The following CD99L2 variants were observed in gnomAD, a reference collection of about 807,000 sequenced individuals.
CD99L2 encodes the protein CD99 molecule like 2.
Under a neutral mutation model 27.3 loss-of-function variants are expected in CD99L2, and 24 were observed. That is an observed-to-expected ratio of 0.88 (90% CI 0.64 to 1.24). CD99L2 has a LOEUF of 1.24. Among genes scored for constraint, CD99L2 ranks in the 50% most tolerant of loss-of-function variants. The pLI is 0.00. For missense variants in CD99L2, 255 were observed against 221.6 expected (o/e 1.15, Z -0.96); for synonymous variants, 97 against 87.9 (o/e 1.10, Z -0.58).
intron 7 of CD99L2, among the ~76,000 whole-genome samples, chrX:150,784,102 ACT>A (rs2045558122): frequency 9.1e-6 from 1 of 109,627 alleles, no homozygotes; most frequent in African/African-American, 3.3e-5. Context: ...CAGAAGGAAG[ACT>A]CTCCTTCTGG....
At chrX:150,824,464 AAAGAAGAAGAAGAAAGAAGAAAG>A (rs1254459705) in intron 2 of CD99L2, among the ~76,000 whole-genome samples, 15 of 97,384 alleles carry the variant, frequency 1.5e-4, no homozygotes, top group Admixed American at 8.9e-4. Context: ...AAGAAAGAAG[AAAGAAGAAGAAGAAAGAAGAAAG>A]AAGAAGAAGA....
rs147740293 is a variant in CD99L2, at chrX:150,887,749, G to A, written c.67+10773C>T. 2.4e-3 allele frequency among the ~76,000 whole-genome samples: 265 copies of A among 111,916 alleles called. 3 individuals are homozygous for A. The highest frequency in any genetic ancestry group is 7.7e-3 in the African/African-American group (237 of 30,844). On this transcript the variant is annotated intron_variant, in intron 1 of 10. Coordinates refer to ENST00000370377, the MANE Select transcript of CD99L2 (RefSeq NM_031462.4). Reference sequence around the variant, plus strand: ...AATCAGCTGATCCATCCCCCGCTCAGAGAGAGAGAACCCGACCGCTGAGGA... The same window carrying A: ...AATCAGCTGATCCATCCCCCGCTCAAAGAGAGAGAACCCGACCGCTGAGGA...
chrX:150,843,404 C>T (rs1025183868), intron 1 of CD99L2, among the ~76,000 whole-genome samples: 2 of 111,286 alleles, frequency 1.8e-5, no homozygotes, highest in African/African-American at 6.5e-5. Flanking sequence ...AATCCCAGCA[C>T]TTTGGGAGGC....
At chrX:150,826,462 A>G (rs1014647118) in intron 2 of CD99L2, among the ~76,000 whole-genome samples, 10 of 111,464 alleles carry the variant, frequency 9.0e-5, no homozygotes, top group African/African-American at 3.3e-4. Flanking sequence ...CCTTGAAAAC[A>G]TTACACTAAG....
chrX:150,864,237 G>C (rs1569566110), intron 1 of CD99L2, among the ~76,000 whole-genome samples: 2 of 111,942 alleles, frequency 1.8e-5, no homozygotes, highest in Non-Finnish European at 3.8e-5. Context: ...AAGGAGGATG[G>C]CAGGTAACAA....
intron 1 of CD99L2, among the ~76,000 whole-genome samples, chrX:150,882,106 G>A (rs963258248): frequency 1.8e-4 from 20 of 111,009 alleles, no homozygotes; most frequent in African/African-American, 6.2e-4. Flanking sequence ...GTGAGCCACC[G>A]CGCCCGGACT....
At chrX:150,851,430 G>A (rs2124294838) in intron 1 of CD99L2, among the ~76,000 whole-genome samples, 1 of 111,781 alleles carries the variant, frequency 8.9e-6, no homozygotes, top group African/African-American at 3.3e-5. Context: ...GAGGAGCTGA[G>A]GCTCAGATAG....
intron 4 of CD99L2, among the ~76,000 whole-genome samples, chrX:150,809,415 A>G (rs2046042034): frequency 8.9e-6 from 1 of 112,525 alleles, no homozygotes; most frequent in African/African-American, 3.2e-5. Context: ...AGAGTGAATG[A>G]ATACTACTTT....
chrX:150,879,925 CAAAA>C (rs782555339), intron 1 of CD99L2, among the ~76,000 whole-genome samples: 45 of 27,316 alleles, frequency 1.6e-3, no homozygotes, highest in Middle Eastern at 0.017. Flanking sequence ...ACCCTGTCTC[CAAAA>C]AAAAAAAAAA....
intron 1 of CD99L2, among the ~76,000 whole-genome samples, chrX:150,841,439 C>T (rs1188699811): frequency 4.5e-5 from 5 of 111,764 alleles, no homozygotes; most frequent in Non-Finnish European, 9.4e-5. Context: ...TTAATTTAAA[C>T]TCTTTTCTGC....
chrX:150,787,367 T>C (rs1229213448), intron 7 of CD99L2, among the ~76,000 whole-genome samples: 1 of 111,776 alleles, frequency 8.9e-6, no homozygotes, highest in Non-Finnish European at 1.9e-5. Flanking sequence ...GTTTTACATT[T>C]AAGTCTTTAA....
intron 1 of CD99L2, among the ~76,000 whole-genome samples, chrX:150,890,472 T>A (rs1481739807): frequency 9.0e-6 from 1 of 111,352 alleles, no homozygotes; most frequent in Non-Finnish European, 1.9e-5. Context: ...AGAGCAAAAC[T>A]CTGTCTCAAA....
At chrX:150,778,683 A>ATATATATAT (rs1557419363) in intron 7 of CD99L2, among the ~76,000 whole-genome samples, 120 of 27,166 alleles carry the variant, frequency 4.4e-3, no homozygotes, top group African/African-American at 9.1e-3. Flanking sequence ...TAAAAAAAAA[A>ATATATATAT]AAATATATAT....
chrX:150,893,448 G>C (rs1458240655), intron 1 of CD99L2, among the ~76,000 whole-genome samples: 1 of 108,893 alleles, frequency 9.2e-6, no homozygotes, highest in African/African-American at 3.3e-5. Context: ...CAGCCCATGA[G>C]GCTTCTGCTT....
intron 1 of CD99L2, among the ~76,000 whole-genome samples, chrX:150,889,695 A>G (rs2047471267): frequency 8.9e-6 from 1 of 112,403 alleles, no homozygotes; most frequent in Non-Finnish European, 1.9e-5. Flanking sequence ...TATAGGATTC[A>G]ACTACAGCAG....
chrX:150,869,599 C>T (rs2047122622), intron 1 of CD99L2, among the ~76,000 whole-genome samples: 2 of 112,265 alleles, frequency 1.8e-5, no homozygotes, highest in Admixed American at 9.5e-5. Context: ...AAACACCCTT[C>T]AGAGTGCCCT....
intron 9 of CD99L2, among the ~76,000 whole-genome samples, chrX:150,774,710 TC>T (rs1362156278): frequency 9.0e-6 from 1 of 111,701 alleles, no homozygotes; most frequent in Non-Finnish European, 1.9e-5. Context: ...ATGCAAAACT[TC>T]CCCCGCCGCG....
chrX:150,826,793 C>T (rs1446053834), intron 2 of CD99L2, among the ~76,000 whole-genome samples: 1 of 111,892 alleles, frequency 8.9e-6, no homozygotes, highest in Non-Finnish European at 1.9e-5. Context: ...CACAGGCTGC[C>T]TTCCGGGCCA....
chrX:150,862,430 C>T, intron 1 of CD99L2, among the ~76,000 whole-genome samples: 1 of 111,487 alleles, frequency 9.0e-6, no homozygotes, highest in Non-Finnish European at 1.9e-5. Context: ...GGGTCCAAGC[C>T]AAGGAACGCA....
Sources: gnomAD v4.1 joint callset for allele counts (sites outside exome capture counted in the v4.1 genomes callset) on GRCh38, gnomAD v4.1.1 for gene constraint, MANE v1.5 for transcripts, NCBI Gene and HGNC (gene_info 2026-07-23, HGNC 2026-07-21) for gene names.